Variants in ADARB2 observed in about 807,000 individuals in gnomAD.
The protein encoded by ADARB2 is inactive double-stranded RNA-specific editase B2.
A neutral mutation model predicts 62.2 loss-of-function variants in ADARB2; 25 were observed. That is an observed-to-expected ratio of 0.40 (90% CI 0.29 to 0.56). The LOEUF is 0.56. ADARB2 is among the 20% of genes least tolerant of loss of function. The pLI is 0.43. For synonymous variants in ADARB2, 572 were observed against 500.8 expected (o/e 1.14, Z -1.90); for missense variants, 1,071 against 1,077.4 (o/e 0.99, Z 0.08).
intron 1 of ADARB2, among the ~76,000 whole-genome samples, chr10:1,650,238 G>T (rs4880899): frequency 0.23 from 35,306 of 152,066 alleles, 4,144 homozygotes; most frequent in Admixed American, 0.27. Context: ...TGTTTTTTGG[G>T]GGTAAGAAAT....
Position 1,372,558 on chromosome 10 carries a change from G to A in ADARB2, c.187+6516C>T, listed in dbSNP as rs575403678. ...GTGACCATGAAAGACACTGTAAGCTGCCAACACCTTTTGAGGGCATGAAGA... is the reference window on the plus strand; with the variant it reads ...GTGACCATGAAAGACACTGTAAGCTACCAACACCTTTTGAGGGCATGAAGA... On this transcript the variant is annotated intron_variant, in intron 2 of 9. Transcript: ENST00000381312. Among the ~76,000 whole-genome samples the A allele has an allele frequency of 1.6e-4, 24 of 152,246 alleles. 1 individual carries two copies. The South Asian group carries it at 2.9e-3, about 18-fold the overall frequency.
chr10:1,497,582 C>T (rs1488953830), intron 1 of ADARB2, among the ~76,000 whole-genome samples: 1 of 152,140 alleles, frequency 6.6e-6, no homozygotes, highest in Non-Finnish European at 1.5e-5. Context: ...TGATTCAAAA[C>T]TATTTATAAA....
chr10:1,711,687 T>A (rs1303115415), intron 1 of ADARB2, among the ~76,000 whole-genome samples: 1 of 152,216 alleles, frequency 6.6e-6, no homozygotes, highest in Non-Finnish European at 1.5e-5. Context: ...AAATAGGAGT[T>A]ACAGGCATTG....
At chr10:1,565,245 G>C (rs1187848796) in intron 1 of ADARB2, among the ~76,000 whole-genome samples, 1 of 152,058 alleles carries the variant, frequency 6.6e-6, no homozygotes, top group Admixed American at 6.5e-5. Flanking sequence ...CATTATTCTG[G>C]TTTCTTTATA....
At chr10:1,638,486 T>C (rs1833940317) in intron 1 of ADARB2, among the ~76,000 whole-genome samples, 2 of 150,260 alleles carry the variant, frequency 1.3e-5, no homozygotes, top group African/African-American at 4.9e-5. Context: ...AGCTTTGGTC[T>C]ATTGTTCCAC....
intron 1 of ADARB2, among the ~76,000 whole-genome samples, chr10:1,644,064 G>A (rs1488233767): frequency 6.6e-6 from 1 of 152,228 alleles, no homozygotes; most frequent in Non-Finnish European, 1.5e-5. Flanking sequence ...TCAAAGGCAG[G>A]AGTGGAAGCA....
At chr10:1,195,082 C>T (rs554323385) in intron 8 of ADARB2, among the ~76,000 whole-genome samples, 59 of 152,320 alleles carry the variant, frequency 3.9e-4, no homozygotes, top group African/African-American at 1.0e-3. Context: ...GGAGGCAGGC[C>T]GACCCGCCCC....
At chr10:1,308,544 C>G (rs1831653975) in intron 3 of ADARB2, among the ~76,000 whole-genome samples, 1 of 152,188 alleles carries the variant, frequency 6.6e-6, no homozygotes, top group Admixed American at 6.5e-5. Flanking sequence ...ACCATATGGT[C>G]AGAGTATGTT....
At chr10:1,686,344 C>G (rs1834596561) in intron 1 of ADARB2, among the ~76,000 whole-genome samples, 1 of 152,154 alleles carries the variant, frequency 6.6e-6, no homozygotes. Flanking sequence ...TTGAGTCGAA[C>G]AAGGACAGGA....
At chr10:1,481,811 T>A (rs995742166) in intron 1 of ADARB2, among the ~76,000 whole-genome samples, 3 of 149,566 alleles carry the variant, frequency 2.0e-5, no homozygotes, top group Admixed American at 1.3e-4. Flanking sequence ...GAGCTGAGAT[T>A]GTGCCACTGC....
intron 3 of ADARB2, among the ~76,000 whole-genome samples, chr10:1,325,700 T>TC (rs1432246379): frequency 6.6e-6 from 1 of 152,080 alleles, no homozygotes; most frequent in Non-Finnish European, 1.5e-5. Flanking sequence ...GCCCCTGAAG[T>TC]CCTCCCACAT....
chr10:1,640,352 T>C (rs115588235), intron 1 of ADARB2, among the ~76,000 whole-genome samples: 3,849 of 152,298 alleles, frequency 0.025, 128 homozygotes, highest in African/African-American at 0.071. Flanking sequence ...TCCTGTCCAG[T>C]ATGAGAATCA....
In ADARB2 at chr10:1,233,978, C is replaced by CTTTTTTTTTTTTTTTTTTGTTT. The variant is rs1589160330; in HGVS notation, c.1362-134_1362-133insAAACAAAAAAAAAAAAAAAAAA. The CTTTTTTTTTTTTTTTTTTGTTT allele has an allele frequency of 4.6e-6, 2 of 433,412 alleles. 1 individual carries two copies. Among genetic ancestry groups the CTTTTTTTTTTTTTTTTTTGTTT allele is most frequent in the Non-Finnish European group, 6.4e-6 (2 of 312,792 alleles). The allele number at this position is 433,412 out of a possible 1,614,324, so 26.8% of individuals were successfully genotyped here. A position where few individuals can be genotyped will look rare whatever the true frequency, so the allele number is the denominator to read the frequency against. On this transcript the variant is annotated intron_variant, in intron 5 of 9. Transcript: ENST00000381312. ...CTTTATATTTTTCCTTTTTTTTTTC[C>CTTTTTTTTTTTTTTTTTTGTTT]TTTTTTTTTTGAGACGGAGTCTTGT...
At chr10:1,674,453 G>C (rs1834434807) in intron 1 of ADARB2, among the ~76,000 whole-genome samples, 1 of 152,136 alleles carries the variant, frequency 6.6e-6, no homozygotes, top group Admixed American at 6.5e-5. Flanking sequence ...TTATAATATG[G>C]GCTTGACCAA....
At chr10:1,343,375 C>A (rs577394576) in intron 3 of ADARB2, among the ~76,000 whole-genome samples, 4 of 151,912 alleles carry the variant, frequency 2.6e-5, no homozygotes, top group Non-Finnish European at 5.9e-5. Context: ...CAGATGCTGG[C>A]GAGAAAAAAG....
intron 1 of ADARB2, among the ~76,000 whole-genome samples, chr10:1,494,079 T>C (rs1006118061): frequency 3.3e-5 from 5 of 152,162 alleles, no homozygotes; most frequent in African/African-American, 1.2e-4. Flanking sequence ...ATGCCAAGTA[T>C]AGTACCTGGT....
At chr10:1,232,726 GTGTA>G (rs1362773838) in intron 6 of ADARB2, among the ~76,000 whole-genome samples, 1 of 82,720 alleles carries the variant, frequency 1.2e-5, no homozygotes, top group Non-Finnish European at 2.3e-5. Flanking sequence ...TATGTGTGTA[GTGTA>G]TGTGACATGA....
chr10:1,669,465 AAC>A (rs538309392), intron 1 of ADARB2, among the ~76,000 whole-genome samples: 5 of 150,432 alleles, frequency 3.3e-5, no homozygotes, highest in African/African-American at 4.9e-5. Flanking sequence ...GGGAGACACA[AAC>A]ACAGACACAG....
chr10:1,346,433 G>A (rs1169254541), intron 3 of ADARB2, among the ~76,000 whole-genome samples: 1 of 152,208 alleles, frequency 6.6e-6, no homozygotes, highest in Non-Finnish European at 1.5e-5. Flanking sequence ...GGTTGTCACC[G>A]CGCTTTACTT....
Sources: allele counts gnomAD v4.1 joint callset (sites outside exome capture counted in the v4.1 genomes callset), GRCh38; gene constraint gnomAD v4.1.1; transcripts MANE v1.5; gene names NCBI Gene and HGNC (gene_info 2026-07-23, HGNC 2026-07-21).